UXS1: variants seen among roughly 807,000 people sequenced by gnomAD.
The protein encoded by UXS1 is UDP-glucuronate decarboxylase 1.
In UXS1, 33 loss-of-function variants were observed where a neutral mutation model predicts 62.6. The observed-to-expected ratio is 0.53, with a 90% CI of 0.40 to 0.70. The LOEUF (loss-of-function observed/expected upper bound fraction) is 0.70, where lower values mean the gene tolerates loss of function less well. UXS1 is among the 30% of genes least tolerant of loss of function. The pLI is 0.00. For missense variants in UXS1, 434 were observed against 556.3 expected (o/e 0.78, Z 2.21); for synonymous variants, 213 against 206.8 (o/e 1.03, Z -0.26).
intron 12 of UXS1, among the ~76,000 whole-genome samples, chr2:106,099,069 T>A (rs1677369564): frequency 6.6e-6 from 1 of 152,232 alleles, no homozygotes; most frequent in African/African-American, 2.4e-5. Flanking sequence ...TCAGACAATT[T>A]CCATATCTAA....
chr2:106,126,813 A>G (rs540910504), intron 7 of UXS1, among the ~76,000 whole-genome samples: 7 of 152,218 alleles, frequency 4.6e-5, no homozygotes, highest in African/African-American at 1.7e-4. Flanking sequence ...ATCAGTGACT[A>G]TTTCCACTGA....
intron 6 of UXS1, chr2:106,138,623 G>A: frequency 4.1e-6 from 4 of 985,530 alleles, no homozygotes; most frequent in Non-Finnish European, 4.8e-6. Context: ...CGTAAACTGG[G>A]GTTTTTCCAT....
chr2:106,105,399 A>AG (rs5833169), intron 10 of UXS1, among the ~76,000 whole-genome samples: 112,127 of 151,968 alleles, frequency 0.74, 41,667 homozygotes, highest in South Asian at 0.79. Flanking sequence ...AGGTGGCAGG[A>AG]GGAGGGTCAC....
At chr2:106,159,206 A>G (rs1682702143) in intron 4 of UXS1, 1 of 152,298 alleles carries the variant, frequency 6.6e-6, no homozygotes, top group Admixed American at 6.5e-5. Context: ...ACCGGGCTAT[A>G]ATCATGGCAT....
intron 6 of UXS1, among the ~76,000 whole-genome samples, chr2:106,143,429 AAAAAAAAAAG>A (rs1197327102): frequency 3.4e-5 from 5 of 145,246 alleles, no homozygotes; most frequent in African/African-American, 7.4e-5. Flanking sequence ...AAAAAAAAAA[AAAAAAAAAAG>A]GTATAATTTG....
chr2:106,139,266 G>A (rs1680902347), intron 6 of UXS1, among the ~76,000 whole-genome samples: 1 of 152,188 alleles, frequency 6.6e-6, no homozygotes, highest in Non-Finnish European at 1.5e-5. Context: ...ACAAGGCCAC[G>A]TGCTGGGAGC....
At chr2:106,122,906 C>G (rs1002974029) in intron 9 of UXS1, 64 bp downstream of exon 9, 1 of 1,592,488 alleles carries the variant, frequency 6.3e-7, no homozygotes. Flanking sequence ...CTTTACAACA[C>G]TTTACATCTG....
chr2:106,137,731 G>T (rs1680773685), intron 6 of UXS1, among the ~76,000 whole-genome samples: 1 of 152,090 alleles, frequency 6.6e-6, no homozygotes, highest in Non-Finnish European at 1.5e-5. Context: ...GGAGGCAGAG[G>T]TTGCAGTGAA....
At chr2:106,112,617 G>T in intron 10 of UXS1, 29 bp downstream of exon 10, 2 of 1,611,884 alleles carry the variant, frequency 1.2e-6, no homozygotes, top group African/African-American at 1.3e-5. Context: ...GGGTTGCAAG[G>T]TGCTCCCTGA....
intron 12 of UXS1, 148 bp from the exon 13 acceptor site, chr2:106,098,921 T>C: frequency 2.9e-6 from 2 of 689,082 alleles, no homozygotes; most frequent in Non-Finnish European, 2.5e-6. Context: ...CAGAGGGTAC[T>C]CCGCTTCCAA....
In UXS1 at chr2:106,164,619, G is replaced by A. The variant is rs111550026; in HGVS notation, c.186+117C>T. 1,287 of 725,726 alleles carry A rather than the reference G, an allele frequency of 1.8e-3. 5 individuals carry two copies. In the African/African-American group the frequency reaches 0.02, roughly 11 times the overall value. The allele number at this position is 725,726 out of a possible 1,614,324, so 45.0% of individuals were successfully genotyped here. A position where few individuals can be genotyped will look rare whatever the true frequency, so the allele number is the denominator to read the frequency against. On this transcript the variant is annotated intron_variant, in intron 3 of 14. Transcript: ENST00000283148. Reference sequence around the variant, plus strand: ...TAAGGGAGTAATTTTTTGAGACACGGTTGCAAAATCACAGAACAGCATCAA... The same window carrying A: ...TAAGGGAGTAATTTTTTGAGACACGATTGCAAAATCACAGAACAGCATCAA...
At chr2:106,172,562 A>G (rs939741045) in intron 1 of UXS1, among the ~76,000 whole-genome samples, 7 of 152,074 alleles carry the variant, frequency 4.6e-5, no homozygotes, top group African/African-American at 1.7e-4. Context: ...AGGCCCCAAC[A>G]CTGACAGAGA....
At chr2:106,095,675 C>A (rs149915075) in intron 14 of UXS1, among the ~76,000 whole-genome samples, 7 of 152,194 alleles carry the variant, frequency 4.6e-5, no homozygotes, top group African/African-American at 1.7e-4. Flanking sequence ...CACGCCTCTG[C>A]CCGAGGGGAG....
chr2:106,153,182 T>TC, intron 5 of UXS1, among the ~76,000 whole-genome samples: 1 of 152,188 alleles, frequency 6.6e-6, no homozygotes, highest in Non-Finnish European at 1.5e-5. Context: ...TTAAGAAACC[T>TC]CCTGGGGTCA....
chr2:106,149,669 A>G (rs1039378796), intron 5 of UXS1, among the ~76,000 whole-genome samples: 3 of 152,222 alleles, frequency 2.0e-5, no homozygotes, highest in African/African-American at 7.2e-5. Flanking sequence ...ACTCTGTCAT[A>G]GCAGCACAAA....
In UXS1 at chr2:106,112,669, C is replaced by T. The variant is rs1678716150; in HGVS notation, c.856G>A (p.Ala286Thr). The T allele has an allele frequency of 1.2e-6, 2 of 1,613,956 alleles. No homozygotes were observed. The highest frequency in any genetic ancestry group is 1.1e-5 in the South Asian group (1 of 91,074). The change falls in exon 10 of 15, where the codon GCG (alanine) becomes ACG (threonine). Residue 286 changes from alanine to threonine, a missense_variant. Physicochemically the swap from Ala to Thr is moderately conservative, Grantham distance 58. This residue lies in a region of UXS1 where 209 missense variants were observed against 233.3 expected (regional missense o/e 0.90). Transcript: ENST00000283148. ...ACCGTGAGTGGCTCCCCCTGGAGCG[C>T]CTGCAGGATGAAGTTGCTGACTACT... is the stretch of plus-strand genomic sequence containing the variant. ...GRVVSNFILQALQGEPLTVYG... is the reference protein window; with the variant it reads ...GRVVSNFILQTLQGEPLTVYG...
At chr2:106,160,070 AG>A (rs1460179835) in intron 4 of UXS1, 1 of 152,302 alleles carries the variant, frequency 6.6e-6, no homozygotes, top group Non-Finnish European at 1.5e-5. Context: ...GCTGGGGAGC[AG>A]GAGCAAGTTC....
intron 14 of UXS1, among the ~76,000 whole-genome samples, chr2:106,096,200 GTGTGTA>G (rs1186740453): frequency 1.3e-4 from 20 of 152,252 alleles, no homozygotes; most frequent in African/African-American, 3.6e-4. Context: ...GTGTGTGTGT[GTGTGTA>G]TGTATGTGGG....
At chr2:106,164,162 G>A (rs760838909) in intron 3 of UXS1, among the ~76,000 whole-genome samples, 9 of 152,178 alleles carry the variant, frequency 5.9e-5, no homozygotes, top group Admixed American at 1.3e-4. Flanking sequence ...AGACACTGTG[G>A]ACTCAGGCAG....
Sources: gnomAD v4.1 joint callset for allele counts (sites outside exome capture counted in the v4.1 genomes callset) on GRCh38, gnomAD v4.1.1 for gene constraint, gnomAD v4.1.1 regional missense constraint, MANE v1.5 for transcripts, NCBI Gene and HGNC (gene_info 2026-07-23, HGNC 2026-07-21) for gene names.